Variants in HSD17B12 observed in about 807,000 individuals in gnomAD.
HSD17B12 encodes hydroxysteroid 17-beta dehydrogenase 12, also known as very-long-chain 3-oxoacyl-CoA reductase.
Under a neutral mutation model 39.3 loss-of-function variants are expected in HSD17B12, and 32 were observed. The ratio of observed to expected loss-of-function variants is 0.81; its 90% CI spans 0.61 to 1.09. The LOEUF (loss-of-function observed/expected upper bound fraction) is 1.09. Ranked by LOEUF, HSD17B12 falls within the 50% of genes least tolerant of loss-of-function variation. HSD17B12 has a pLI of 0.00. For synonymous variants in HSD17B12, 150 were observed against 146.7 expected, an observed-to-expected ratio of 1.02 and a Z score of -0.16; for missense variants, 342 against 382.9, an observed-to-expected ratio of 0.89 and a Z score of 0.89.
At chr11:43,826,417 G>A (rs1951241237) in intron 6 of HSD17B12, among the ~76,000 whole-genome samples, 1 of 152,050 alleles carries the variant, frequency 6.6e-6, no homozygotes, top group Non-Finnish European at 1.5e-5. Context: ...TTTGTTTAGA[G>A]TTTATGAATT....
chr11:43,632,655 T>A, the HSD17B12 span, among the ~76,000 whole-genome samples: 101 of 152,360 alleles, frequency 6.6e-4, 1 homozygote, highest in South Asian at 8.9e-3. Context: ...TTGAGAAATG[T>A]CTTTGGATTC....
At chr11:43,676,637 C>T (rs116132617), upstream of HSD17B12, among the ~76,000 whole-genome samples, 637 of 152,248 alleles carry the variant, frequency 4.2e-3, 7 homozygotes, top group African/African-American at 0.015. Context: ...AGTGGACTGG[C>T]ACATAATTAG....
At chr11:43,818,548 A>T (rs1951151887) in intron 6 of HSD17B12, among the ~76,000 whole-genome samples, 1 of 152,232 alleles carries the variant, frequency 6.6e-6, no homozygotes, top group Admixed American at 6.5e-5. Flanking sequence ...AAATTTGAAC[A>T]TACTCATAGA....
intron 1 of HSD17B12, among the ~76,000 whole-genome samples, chr11:43,683,911 G>A (rs1224768278): frequency 2.0e-5 from 3 of 152,318 alleles, no homozygotes; most frequent in African/African-American, 4.8e-5. Flanking sequence ...GGCAGAAAGC[G>A]TGGATTCTCA....
intron 3 of HSD17B12, among the ~76,000 whole-genome samples, chr11:43,760,707 C>T (rs994190523): frequency 2.6e-5 from 4 of 152,102 alleles, no homozygotes; most frequent in Non-Finnish European, 4.4e-5. Flanking sequence ...ACCATTAATA[C>T]GATGCCTTGT....
chr11:43,782,674 CA>C (rs35805476), intron 3 of HSD17B12, among the ~76,000 whole-genome samples: 1,429 of 104,244 alleles, frequency 0.014, 9 homozygotes, highest in East Asian at 0.049. Context: ...GACTCTGTCT[CA>C]AAAAAAAAAA....
chr11:43,630,964 C>T, the HSD17B12 span, among the ~76,000 whole-genome samples: 1 of 152,098 alleles, frequency 6.6e-6, no homozygotes, highest in East Asian at 1.9e-4. Flanking sequence ...GCCACCACGC[C>T]TGGCCCATTT....
rs544913476 is a variant in HSD17B12, at chr11:43,754,218, C to T, written c.283+97C>T. 5.0e-6 allele frequency: 4 copies of T among 800,988 alleles called. No homozygotes were observed. In the Admixed American group the frequency reaches 7.0e-5, roughly 14 times the overall value. The allele number at this position is 800,988 out of a possible 1,614,324, so 49.6% of individuals were successfully genotyped here. ...TAGTTATTTCTAGTTCAGGAAACTT[C>T]TTTTTCAAGGAGAGATATCATTAAA... On this transcript the variant is annotated intron_variant, in intron 3 of 10. Coordinates refer to ENST00000278353, the MANE Select transcript of HSD17B12 (RefSeq NM_016142.3).
intron 1 of HSD17B12, among the ~76,000 whole-genome samples, chr11:43,746,508 A>G (rs1229334593): frequency 6.6e-6 from 1 of 152,152 alleles, no homozygotes; most frequent in Non-Finnish European, 1.5e-5. Context: ...TTCAGACTCA[A>G]TCACACACAT....
intron 1 of HSD17B12, among the ~76,000 whole-genome samples, chr11:43,686,351 G>A (rs531568945): frequency 7.0e-4 from 107 of 152,328 alleles, no homozygotes; most frequent in South Asian, 2.9e-3. Context: ...AAGGGAGTAC[G>A]TGTGCCTAAA....
At chr11:43,598,570 T>C in the HSD17B12 span, among the ~76,000 whole-genome samples, 9 of 152,128 alleles carry the variant, frequency 5.9e-5, no homozygotes, top group Admixed American at 5.9e-4. Flanking sequence ...CTCTCTTCTC[T>C]TCCTGCTTTG....
chr11:43,622,864 C>CCTT, the HSD17B12 span, among the ~76,000 whole-genome samples: 1 of 151,864 alleles, frequency 6.6e-6, no homozygotes, highest in African/African-American at 2.4e-5. Context: ...AAGCCCAAAC[C>CCTT]TAAAGGGCTT....
At chr11:43,818,403 A>G (rs1053505181) in intron 6 of HSD17B12, among the ~76,000 whole-genome samples, 8 of 152,206 alleles carry the variant, frequency 5.3e-5, no homozygotes, top group African/African-American at 1.9e-4. Context: ...CTTAGCAAGT[A>G]TGAGCATCTC....
upstream of HSD17B12, chr11:43,680,668 A>G (rs566265492): frequency 2.8e-5 from 19 of 685,062 alleles, no homozygotes; most frequent in Middle Eastern, 4.1e-4. Context: ...CGGGTCACCA[A>G]TAGCGACACG....
the HSD17B12 span, among the ~76,000 whole-genome samples, chr11:43,601,460 G>A: frequency 6.8e-6 from 1 of 147,212 alleles, no homozygotes; most frequent in Non-Finnish European, 1.5e-5. Flanking sequence ...CCATTTCACA[G>A]TATCATTTGG....
chr11:43,724,566 A>G (rs1325121390), intron 1 of HSD17B12, among the ~76,000 whole-genome samples: 1 of 152,150 alleles, frequency 6.6e-6, no homozygotes, highest in Non-Finnish European at 1.5e-5. Context: ...GATTTGGTAT[A>G]TGGTGAGGGA....
At chr11:43,770,486 A>T (rs544776513) in intron 3 of HSD17B12, among the ~76,000 whole-genome samples, 6 of 152,328 alleles carry the variant, frequency 3.9e-5, no homozygotes, top group African/African-American at 1.4e-4. Flanking sequence ...CCAGCGCTTG[A>T]GAAGGCCAAA....
chr11:43,750,431 T>C (rs1333636189), intron 1 of HSD17B12, among the ~76,000 whole-genome samples: 2 of 152,168 alleles, frequency 1.3e-5, no homozygotes, highest in Non-Finnish European at 2.9e-5. Flanking sequence ...TGTTTTCTCT[T>C]TTATTGCTGT....
intron 4 of HSD17B12, among the ~76,000 whole-genome samples, chr11:43,806,996 A>G (rs1461408943): frequency 1.6e-5 from 2 of 127,410 alleles, no homozygotes; most frequent in Non-Finnish European, 3.5e-5. Flanking sequence ...AGGGCCTGCC[A>G]TGAATAAGAA....
Sources: allele counts gnomAD v4.1 joint callset (sites outside exome capture counted in the v4.1 genomes callset), GRCh38; gene constraint gnomAD v4.1.1; transcripts MANE v1.5; gene names NCBI Gene and HGNC (gene_info 2026-07-23, HGNC 2026-07-21).